Variants in MGAT4C observed in about 807,000 individuals in gnomAD.
MGAT4C encodes alpha-1,3-mannosyl-glycoprotein 4-beta-N-acetylglucosaminyltransferase C.
A neutral mutation model predicts 40.1 loss-of-function variants in MGAT4C; 19 were observed. That is an observed-to-expected ratio of 0.47 (90% CI 0.33 to 0.70). The LOEUF is 0.70. Among genes scored for constraint, MGAT4C ranks in the 30% least tolerant of loss-of-function variants. The probability of loss-of-function intolerance (pLI) is 0.02; values close to 1 mark genes in which losing one functional copy is unlikely to be tolerated. For missense variants in MGAT4C, 491 were observed against 563.2 expected (o/e 0.87, Z 1.30); for synonymous variants, 181 against 187.1 (o/e 0.97, Z 0.27).
intron 2 of MGAT4C, among the ~76,000 whole-genome samples, chr12:86,590,705 T>G (rs529365185): frequency 6.6e-6 from 1 of 152,050 alleles, no homozygotes; most frequent in South Asian, 2.1e-4. Context: ...AAAAAAAAAT[T>G]GAGAGATCAG....
At chr12:86,118,320 T>C (rs1878773625) in intron 1 of MGAT4C, among the ~76,000 whole-genome samples, 1 of 152,140 alleles carries the variant, frequency 6.6e-6, no homozygotes. Flanking sequence ...AAGATCCAAA[T>C]GTTATAGATG....
intron 2 of MGAT4C, among the ~76,000 whole-genome samples, chr12:86,536,805 T>C (rs1013579592): frequency 6.6e-6 from 1 of 152,218 alleles, no homozygotes; most frequent in African/African-American, 2.4e-5. Context: ...TGGAAGTCAG[T>C]GTGGCGATTC....
chr12:86,619,222 T>C (rs1309784496), intron 2 of MGAT4C, among the ~76,000 whole-genome samples: 1 of 152,150 alleles, frequency 6.6e-6, no homozygotes, highest in African/African-American at 2.4e-5. Flanking sequence ...ACTATATCTC[T>C]ATATCTAGAT....
At chr12:86,019,604 T>A (rs1889450711) in intron 2 of MGAT4C, among the ~76,000 whole-genome samples, 1 of 152,182 alleles carries the variant, frequency 6.6e-6, no homozygotes, top group Non-Finnish European at 1.5e-5. Flanking sequence ...CCTAGTAGTA[T>A]AGTTTGAAGT....
chr12:86,543,423 A>C (rs1959177993), intron 2 of MGAT4C, among the ~76,000 whole-genome samples: 1 of 151,902 alleles, frequency 6.6e-6, no homozygotes, highest in Admixed American at 6.6e-5. Context: ...TAAATTATAA[A>C]AATTTAAAAA....
At chr12:85,999,583 G>GTATATATATATATATATATA (rs67914292) in intron 2 of MGAT4C, among the ~76,000 whole-genome samples, 15 of 122,968 alleles carry the variant, frequency 1.2e-4, no homozygotes, top group African/African-American at 4.4e-4. Context: ...GTGTGTGTGT[G>GTATATATATATATATATATA]TATATATATA....
At chr12:86,573,769 A>G (rs1411861482) in intron 2 of MGAT4C, among the ~76,000 whole-genome samples, 8 of 152,006 alleles carry the variant, frequency 5.3e-5, no homozygotes, top group Admixed American at 4.6e-4. Flanking sequence ...GTTAGAATTT[A>G]TTATATAACT....
intron 2 of MGAT4C, among the ~76,000 whole-genome samples, chr12:86,712,399 A>T (rs1290813851): frequency 6.6e-6 from 1 of 152,164 alleles, no homozygotes; most frequent in African/African-American, 2.4e-5. Context: ...AACCATAAAA[A>T]ATAAGAAAAA....
chr12:86,740,116 CTTCA>C (rs912752344), intron 1 of MGAT4C, among the ~76,000 whole-genome samples: 1 of 151,022 alleles, frequency 6.6e-6, no homozygotes, highest in African/African-American at 2.4e-5. Flanking sequence ...AGCAAGAACC[CTTCA>C]TTATTTCAAT....
intron 1 of MGAT4C, among the ~76,000 whole-genome samples, chr12:86,165,116 A>T (rs1465169480): frequency 2.0e-5 from 3 of 152,158 alleles, no homozygotes; most frequent in Admixed American, 2.0e-4. Flanking sequence ...CCTTAGTCAC[A>T]TATTGGCTAT....
intron 2 of MGAT4C, among the ~76,000 whole-genome samples, chr12:86,042,436 G>T (rs926252180): frequency 3.9e-5 from 6 of 152,040 alleles, no homozygotes; most frequent in African/African-American, 1.4e-4. Context: ...CGTTTTTGTT[G>T]TATCTGGTTG....
At chr12:86,776,752 G>T (rs1179790426) in intron 1 of MGAT4C, among the ~76,000 whole-genome samples, 1 of 151,890 alleles carries the variant, frequency 6.6e-6, no homozygotes, top group Non-Finnish European at 1.5e-5. Context: ...TGTATGAAAC[G>T]ATCTAGTATA....
intron 2 of MGAT4C, among the ~76,000 whole-genome samples, chr12:86,618,642 T>A (rs1962536753): frequency 6.6e-6 from 1 of 152,076 alleles, no homozygotes; most frequent in Non-Finnish European, 1.5e-5. Flanking sequence ...ATGGAAATAG[T>A]GAGTAGAATG....
At chr12:86,218,627 T>C (rs1324536122) in intron 1 of MGAT4C, among the ~76,000 whole-genome samples, 1 of 152,184 alleles carries the variant, frequency 6.6e-6, no homozygotes, top group Non-Finnish European at 1.5e-5. Context: ...ACCATTTAAC[T>C]GAGTAAGAAT....
At chr12:85,992,610 C>T (rs1886084987) in intron 2 of MGAT4C, among the ~76,000 whole-genome samples, 1 of 152,246 alleles carries the variant, frequency 6.6e-6, no homozygotes, top group African/African-American at 2.4e-5. Context: ...TCATCAAAAG[C>T]ATAAAATGGA....
At chr12:86,567,384 C>A (rs1229807351) in intron 2 of MGAT4C, among the ~76,000 whole-genome samples, 9 of 152,112 alleles carry the variant, frequency 5.9e-5, no homozygotes, top group Non-Finnish European at 1.3e-4. Context: ...ACTTTGGGCT[C>A]CTCTCACCTC....
chr12:86,427,302 T>C (rs758344243), intron 3 of MGAT4C, among the ~76,000 whole-genome samples: 6 of 152,160 alleles, frequency 3.9e-5, no homozygotes, highest in South Asian at 2.1e-4. Flanking sequence ...GAGAGTATTA[T>C]ACATAATATT....
intron 1 of MGAT4C, among the ~76,000 whole-genome samples, chr12:86,154,691 G>T (rs1566061746): frequency 6.6e-6 from 1 of 152,090 alleles, no homozygotes; most frequent in Non-Finnish European, 1.5e-5. Context: ...TCAAAAAAAA[G>T]ATAAATAAGT....
rs77550722 is a variant in MGAT4C at position 85,989,779 on chromosome 12, A to T, written c.-6-227T>A. Among the ~76,000 whole-genome samples the T allele has an allele frequency of 2.5e-4, 38 of 152,218 alleles. No homozygotes were observed. The East Asian group carries it at 6.7e-3, about 27-fold the overall frequency. ...TGTAGAGTAAATAAAAATAAAAAGC[A>T]AGTCTCATAGTTACTGACGAAAAAA... On this transcript the variant is annotated intron_variant, in intron 2 of 4. Transcript: ENST00000611864.
Sources: gnomAD v4.1 joint callset for allele counts (sites outside exome capture counted in the v4.1 genomes callset) on GRCh38, gnomAD v4.1.1 for gene constraint, MANE v1.5 for transcripts, NCBI Gene and HGNC (gene_info 2026-07-23, HGNC 2026-07-21) for gene names.